NRXN2: variants seen among roughly 807,000 people sequenced by gnomAD.
NRXN2 encodes neurexin-2-beta.
NRXN2 carries 29 observed loss-of-function variants against 128.8 expected under a neutral mutation model. The ratio of observed to expected loss-of-function variants is 0.23; its 90% CI spans 0.17 to 0.31. The LOEUF is 0.31. Ranked by LOEUF, NRXN2 falls within the 10% of genes least tolerant of loss-of-function variation. The pLI is 1.00. For missense variants in NRXN2, 1,881 were observed against 2,452.6 expected (o/e 0.77, Z 4.92); for synonymous variants, 1,098 against 1,075.2 (o/e 1.02, Z -0.41).
At position 64,667,200 on chromosome 11, in the gene NRXN2, G is replaced by GA; in HGVS notation, c.1798+49dup. On this transcript the variant is annotated intron_variant, in intron 9 of 22. Coordinates refer to ENST00000265459, the MANE Select transcript of NRXN2 (RefSeq NM_015080.4). The surrounding 1 kb of genome is among the most constrained non-coding windows in gnomAD (Gnocchi z 5.6). ...GAGAGACGGAGAGGATGTCAGGGCA[G>GA]ATGGAAAGGGGTGGCCCATGGAAGG... 1 of 1,584,784 alleles carries GA rather than the reference G, an allele frequency of 6.3e-7. No homozygotes were observed.
At chr11:64,721,343 A>AC (rs1258160137) in intron 1 of NRXN2, among the ~76,000 whole-genome samples, 6 of 151,902 alleles carry the variant, frequency 3.9e-5, no homozygotes, top group Non-Finnish European at 8.8e-5. Context: ...ATATGGATTC[A>AC]GCCCAGGCCT....
chr11:64,691,222 G>C (rs1457188544), intron 4 of NRXN2, among the ~76,000 whole-genome samples: 1 of 152,176 alleles, frequency 6.6e-6, no homozygotes, highest in African/African-American at 2.4e-5. Flanking sequence ...CAAGTCAAAG[G>C]AGATCCTCCC....
intron 22 of NRXN2, among the ~76,000 whole-genome samples, chr11:64,612,703 G>A (rs1156681240): frequency 6.6e-6 from 1 of 152,244 alleles, no homozygotes; most frequent in Non-Finnish European, 1.5e-5. Flanking sequence ...AGCAAGGTGT[G>A]CCCACCCCCA....
rs931569063 is a variant in NRXN2 at position 64,622,513 on chromosome 11, G to T, written c.4173+240C>A. Among the ~76,000 whole-genome samples the T allele has an allele frequency of 6.6e-6, 1 of 152,186 alleles. No individual in the cohort carries two copies. The highest frequency in any genetic ancestry group is 1.5e-5 in the Non-Finnish European group (1 of 68,030). ...CAAACTCCTCCCCAATTCTGGGAAT[G>T]GTCCCTCTAGAAATAGTGGTCACCC... On this transcript the variant is annotated intron_variant, in intron 21 of 22. Transcript: ENST00000265459. The surrounding 1 kb of genome is among the most constrained non-coding windows in gnomAD (Gnocchi z 4.3).
At chr11:64,625,061 C>T (rs889769389) in intron 20 of NRXN2, among the ~76,000 whole-genome samples, 9 of 152,208 alleles carry the variant, frequency 5.9e-5, no homozygotes, top group Admixed American at 2.0e-4. Context: ...TTTCACACTT[C>T]GGGCACTACC....
intron 7 of NRXN2, chr11:64,676,168 AAC>A (rs2051292634): frequency 6.6e-6 from 1 of 152,546 alleles, no homozygotes; most frequent in Admixed American, 6.5e-5. Context: ...GACAGTGTGA[AAC>A]ACAGTGTTAG....
Position 64,623,279 on chromosome 11 carries a change from C to T in NRXN2, c.3848-201G>A. 3 of 951,312 alleles carry T rather than the reference C, an allele frequency of 3.2e-6. No individual in the cohort carries two copies. Among genetic ancestry groups the T allele is most frequent in the South Asian group, 1.8e-5 (1 of 56,430 alleles). 58.9% of individuals were successfully genotyped at this position (951,312 alleles called of 1,614,324 possible). A position where few individuals can be genotyped will look rare whatever the true frequency, so the allele number is the denominator to read the frequency against. On this transcript the variant is annotated intron_variant, in intron 20 of 22. Coordinates refer to ENST00000265459, the MANE Select transcript of NRXN2 (RefSeq NM_015080.4). This position sits in a 1 kb window ranked among gnomAD's most constrained non-coding sequence, Gnocchi z 4.9. Reference sequence around the variant, plus strand: ...TGTCAGCCACAGCCCCTAGCCCAGCCAGGTGGGGACCCCAGAAGGGGAGGG... The same window carrying T: ...TGTCAGCCACAGCCCCTAGCCCAGCTAGGTGGGGACCCCAGAAGGGGAGGG...
chr11:64,624,289 C>G (rs896439380), intron 20 of NRXN2, among the ~76,000 whole-genome samples: 1 of 152,228 alleles, frequency 6.6e-6, no homozygotes, highest in African/African-American at 2.4e-5. Flanking sequence ...TCTGGGACAC[C>G]CAGGCCTCTG....
rs1264707114 is a variant in NRXN2 at position 64,651,402 on chromosome 11, C to A, written c.2771G>T (p.Ser924Ile). The change falls in exon 14 of 23, where the codon AGT becomes ATT. Residue 924 changes from serine to isoleucine, a missense_variant. Around this residue, in one of 7 missense-constraint regions of NRXN2, gnomAD observed 390 missense variants for 599.6 expected, o/e 0.65. Coordinates refer to ENST00000265459, the MANE Select transcript of NRXN2 (RefSeq NM_015080.4). This position sits in a 1 kb window ranked among gnomAD's most constrained non-coding sequence, Gnocchi z 5.9. ...AIVADPVTFKSRSSYLALATL... is the reference protein window; with the variant it reads ...AIVADPVTFKIRSSYLALATL... Reference sequence around the variant, plus strand: ...GGCGAGTGCCAGGTAGCTGCTGCGACTCTTGAAGGTGACGGGATCGGCCAC... The same window carrying A: ...GGCGAGTGCCAGGTAGCTGCTGCGAATCTTGAAGGTGACGGGATCGGCCAC... The A allele has an allele frequency of 6.2e-7, 1 of 1,614,212 alleles. No homozygotes were observed. Among genetic ancestry groups the A allele is most frequent in the Non-Finnish European group, 8.5e-7 (1 of 1,180,032 alleles).
chr11:64,618,647 C>T (rs547613323), intron 22 of NRXN2, among the ~76,000 whole-genome samples: 1 of 152,282 alleles, frequency 6.6e-6, no homozygotes, highest in Non-Finnish European at 1.5e-5. Context: ...CAGAGCCCCC[C>T]AAAGCAATGG....
chr11:64,655,542 G>T (rs1039772768), intron 11 of NRXN2, among the ~76,000 whole-genome samples: 1 of 152,016 alleles, frequency 6.6e-6, no homozygotes, highest in African/African-American at 2.4e-5. Context: ...CCAATGAAGG[G>T]TCCAAAAAAA....
chr11:64,715,369 A>G (rs1042123098), intron 1 of NRXN2, among the ~76,000 whole-genome samples: 2 of 152,200 alleles, frequency 1.3e-5, no homozygotes, highest in African/African-American at 2.4e-5. Context: ...CAGCATCCCC[A>G]GGAAATAGAC....
At chr11:64,642,008 G>A (rs989858889) in intron 17 of NRXN2, among the ~76,000 whole-genome samples, 1 of 152,076 alleles carries the variant, frequency 6.6e-6, no homozygotes, top group Non-Finnish European at 1.5e-5. Context: ...ACATGAAGAG[G>A]TCAAGGAGGA....
chr11:64,613,895 T>G (rs996048700), intron 22 of NRXN2, among the ~76,000 whole-genome samples: 1 of 152,092 alleles, frequency 6.6e-6, no homozygotes, highest in Admixed American at 6.5e-5. Flanking sequence ...CCGTTGCTCA[T>G]GAGAACCTGG....
Position 64,630,383 on chromosome 11 carries a change from G to C in NRXN2, c.3757+19C>G. ...CCCGCCCCGCCACCGCGCCTCCTCCGCGGGCCCGCGCCGCCTACCTGCCGG... is the reference window on the plus strand; with the variant it reads ...CCCGCCCCGCCACCGCGCCTCCTCCCCGGGCCCGCGCCGCCTACCTGCCGG... On this transcript the variant is annotated intron_variant, in intron 19 of 22. Coordinates refer to ENST00000265459, the MANE Select transcript of NRXN2 (RefSeq NM_015080.4). This position sits in a 1 kb window ranked among gnomAD's most constrained non-coding sequence, Gnocchi z 4.6. 1 of 1,481,466 alleles carries C rather than the reference G, an allele frequency of 6.8e-7. No individual in the cohort carries two copies. Among genetic ancestry groups the C allele is most frequent in the South Asian group, 1.1e-5 (1 of 89,390 alleles). 91.8% of individuals were successfully genotyped at this position (1,481,466 alleles called of 1,614,324 possible).
rs1325316297 is a variant in NRXN2 at position 64,607,077 on chromosome 11, A to T, written c.*119T>A. On this transcript the variant is annotated 3_prime_UTR_variant, in exon 23 of 23. Coordinates refer to ENST00000265459, the MANE Select transcript of NRXN2 (RefSeq NM_015080.4). ...TTCTTTTTTTGCGTTTCCTCTTCGT[A>T]AGAGAAGCCTGAGGCAGCCAGGGAG... 2 of 1,107,158 alleles carry T rather than the reference A, an allele frequency of 1.8e-6. No homozygotes were observed. The highest frequency in any genetic ancestry group is 2.6e-6 in the Non-Finnish European group (2 of 784,214). The allele number at this position is 1,107,158 out of a possible 1,614,324, so 68.6% of individuals were successfully genotyped here. A position where few individuals can be genotyped will look rare whatever the true frequency, so the allele number is the denominator to read the frequency against.
chr11:64,643,871 C>T (rs2046224851), intron 17 of NRXN2, among the ~76,000 whole-genome samples: 1 of 149,212 alleles, frequency 6.7e-6, no homozygotes, highest in African/African-American at 2.5e-5. Flanking sequence ...TCTTCCTCCC[C>T]GCCCACCCCA....
rs760381645 is a variant in NRXN2, at chr11:64,713,319, C to G, written c.381G>C (p.Ala127=). 25 of 1,370,150 alleles carry G rather than the reference C, an allele frequency of 1.8e-5. No homozygotes were observed. 84.9% of individuals were successfully genotyped at this position (1,370,150 alleles called of 1,614,324 possible). The change falls in exon 2 of 23, where the codon GCG becomes GCC. Residue 127 remains alanine (A), a synonymous_variant. Coordinates refer to ENST00000265459, the MANE Select transcript of NRXN2 (RefSeq NM_015080.4). ...LTRDARRTAL[A]VDGEARAAEV... ...CGGCGGCGCGGGCCTCGCCGTCCACCGCCAGCGCCGTGCGGCGCGCGTCGC... is the reference window on the plus strand; with the variant it reads ...CGGCGGCGCGGGCCTCGCCGTCCACGGCCAGCGCCGTGCGGCGCGCGTCGC...
In NRXN2 at chr11:64,606,499, G is replaced by C. The variant is rs1432672602; in HGVS notation, c.*697C>G. The C allele has an allele frequency of 7.3e-6, 1 of 137,250 alleles. No homozygotes were observed. Among genetic ancestry groups the C allele is most frequent in the African/African-American group, 2.8e-5 (1 of 35,620 alleles). The allele number at this position is 137,250 out of a possible 1,614,324, so 8.5% of individuals were successfully genotyped here. ...TCCCCATCAATGCACGTCGCCCGGC[G>C]GCACACACAGAACAGGCCTTCCGTC... On this transcript the variant is annotated 3_prime_UTR_variant, in exon 23 of 23. Transcript: ENST00000265459.
Sources: allele counts gnomAD v4.1 joint callset (sites outside exome capture counted in the v4.1 genomes callset), GRCh38; gene constraint gnomAD v4.1.1; regional missense constraint gnomAD v4.1.1; non-coding constraint Gnocchi (gnomAD v3.1); transcripts MANE v1.5; gene names NCBI Gene and HGNC (gene_info 2026-07-23, HGNC 2026-07-21).